The following AFG2B variants were observed in gnomAD, a reference collection of about 807,000 sequenced individuals.
The protein encoded by AFG2B is ATPase family gene 2 protein homolog B.
the AFG2B span, chr15:45,407,123 C>G: frequency 7.8e-7 from 1 of 1,288,882 alleles, no homozygotes; most frequent in Non-Finnish European, 1.0e-6. Context: ...GAGGGGCCTG[C>G]TCAGGTGTAG....
At chr15:45,420,075 C>T in the AFG2B span, among the ~76,000 whole-genome samples, 1 of 144,802 alleles carries the variant, frequency 6.9e-6, no homozygotes, top group African/African-American at 2.5e-5. Context: ...TTAGTTTTGT[C>T]TGCTTTTGAA....
At chr15:45,417,427 G>A in the AFG2B span, 3 of 1,609,960 alleles carry the variant, frequency 1.9e-6, no homozygotes, top group East Asian at 4.5e-5. Flanking sequence ...TACTCTGTGT[G>A]AGCTCAGCAG....
At chr15:45,403,672 A>G in the AFG2B span, among the ~76,000 whole-genome samples, 19 of 152,026 alleles carry the variant, frequency 1.2e-4, no homozygotes, top group Admixed American at 7.9e-4. Context: ...TTCTCTGCCG[A>G]TATATGATCT....
At chr15:45,415,512 A>T in the AFG2B span, 1 of 1,309,072 alleles carries the variant, frequency 7.6e-7, no homozygotes, top group Non-Finnish European at 1.0e-6. Flanking sequence ...AAAAAAAAAA[A>T]CAGGATTATA....
chr15:45,413,039 T>C, the AFG2B span, among the ~76,000 whole-genome samples: 1 of 152,268 alleles, frequency 6.6e-6, no homozygotes, highest in East Asian at 1.9e-4. Context: ...AGAGCATTTA[T>C]AATATGCGCC....
chr15:45,406,821 T>C, the AFG2B span, among the ~76,000 whole-genome samples: 1 of 152,396 alleles, frequency 6.6e-6, no homozygotes, highest in East Asian at 1.9e-4. Context: ...CTTTCCTTTA[T>C]TTCTACAGTT....
the AFG2B span, among the ~76,000 whole-genome samples, chr15:45,411,028 C>T: frequency 2.6e-5 from 4 of 151,998 alleles, no homozygotes; most frequent in African/African-American, 9.7e-5. Context: ...ATGGTGAAAC[C>T]CCGTCTCTAC....
At chr15:45,404,311 C>T in the AFG2B span, among the ~76,000 whole-genome samples, 1 of 152,078 alleles carries the variant, frequency 6.6e-6, no homozygotes, top group Non-Finnish European at 1.5e-5. Context: ...TACCTGGCTT[C>T]TAGAACTTTG....
chr15:45,415,313 G>A, the AFG2B span, among the ~76,000 whole-genome samples: 5 of 151,760 alleles, frequency 3.3e-5, no homozygotes, highest in Non-Finnish European at 5.9e-5. Flanking sequence ...CCTGGCCAAC[G>A]TGGCAAAACC....
chr15:45,405,937 C>T, the AFG2B span, among the ~76,000 whole-genome samples: 18 of 152,046 alleles, frequency 1.2e-4, no homozygotes, highest in Admixed American at 1.2e-3. Flanking sequence ...ATCATTCTCT[C>T]TTCATGTGTA....
At chr15:45,413,184 C>T in the AFG2B span, among the ~76,000 whole-genome samples, 6 of 152,274 alleles carry the variant, frequency 3.9e-5, no homozygotes, top group East Asian at 1.2e-3. Flanking sequence ...CCACCCTCTC[C>T]CCTCCCTTAA....
At chr15:45,412,934 A>G in the AFG2B span, among the ~76,000 whole-genome samples, 478 of 152,364 alleles carry the variant, frequency 3.1e-3, 1 homozygote, top group African/African-American at 0.011. Context: ...AACCACACAC[A>G]TAACAGACTG....
chr15:45,405,646 C>A, the AFG2B span: 1 of 767,758 alleles, frequency 1.3e-6, no homozygotes, highest in Non-Finnish European at 2.0e-6. Context: ...TTTTACATCT[C>A]AACTCTATAT....
the AFG2B span, among the ~76,000 whole-genome samples, chr15:45,408,015 T>C: frequency 2.6e-5 from 4 of 152,178 alleles, no homozygotes; most frequent in African/African-American, 4.8e-5. Context: ...AACAATACTA[T>C]AAAGTAGTCA....
At chr15:45,415,779 G>A in the AFG2B span, 1 of 1,612,822 alleles carries the variant, frequency 6.2e-7, no homozygotes, top group South Asian at 1.1e-5. Context: ...AAGTCAACAG[G>A]GTAAATACAA....
chr15:45,414,069 A>G, the AFG2B span, among the ~76,000 whole-genome samples: 5 of 152,178 alleles, frequency 3.3e-5, no homozygotes, highest in Non-Finnish European at 7.3e-5. Flanking sequence ...AAAAATAATA[A>G]TAGTGAATAC....
At chr15:45,410,931 G>A in the AFG2B span, among the ~76,000 whole-genome samples, 3 of 152,188 alleles carry the variant, frequency 2.0e-5, no homozygotes, top group African/African-American at 7.2e-5. Flanking sequence ...GCTGGGCGCA[G>A]TGGCTCATAC....
chr15:45,406,879 A>G, the AFG2B span: 3 of 496,430 alleles, frequency 6.0e-6, no homozygotes, highest in Non-Finnish European at 1.1e-5. Flanking sequence ...TGATCTTTTA[A>G]GTCTTCATCT....
the AFG2B span, chr15:45,418,556 G>A: frequency 2.5e-6 from 4 of 1,591,012 alleles, no homozygotes; most frequent in Non-Finnish European, 2.6e-6. Flanking sequence ...TTTTGTTCCA[G>A]GGCAGGCTTT....
Sources: allele counts gnomAD v4.1 joint callset (sites outside exome capture counted in the v4.1 genomes callset), GRCh38; gene constraint gnomAD v4.1.1; transcripts MANE v1.5; gene names NCBI Gene and HGNC (gene_info 2026-07-23, HGNC 2026-07-21).